Variants in NRG3 observed in about 807,000 individuals in gnomAD.
The protein encoded by NRG3 is neuregulin 3.
In NRG3, 31 loss-of-function variants were observed where a neutral mutation model predicts 66.9. The ratio of observed to expected loss-of-function variants is 0.46; its 90% CI spans 0.35 to 0.63. The LOEUF is 0.63. Ranked by LOEUF, NRG3 falls within the 20% of genes least tolerant of loss-of-function variation. The pLI is 0.00. For missense variants in NRG3, 910 were observed against 878.9 expected (o/e 1.04, Z -0.45); for synonymous variants, 393 against 359.4 (o/e 1.09, Z -1.06).
intron 2 of NRG3, among the ~76,000 whole-genome samples, chr10:82,372,710 C>T (rs1001683325): frequency 4.6e-5 from 7 of 152,282 alleles, no homozygotes; most frequent in Non-Finnish European, 8.8e-5. Context: ...TCTCCTGCCT[C>T]AGCCTCCCAC....
chr10:82,070,963 T>C (rs910837824), intron 1 of NRG3, among the ~76,000 whole-genome samples: 2 of 152,212 alleles, frequency 1.3e-5, no homozygotes, highest in African/African-American at 4.8e-5. Flanking sequence ...TACTTGGACA[T>C]GTATGCAGTT....
chr10:82,514,573 GT>G (rs1034595221), intron 2 of NRG3, among the ~76,000 whole-genome samples: 2 of 151,778 alleles, frequency 1.3e-5, no homozygotes, highest in East Asian at 1.9e-4. Context: ...TACTATGCTG[GT>G]TTTTTTTGTT....
chr10:82,968,114 T>G (rs1459814379), intron 6 of NRG3, among the ~76,000 whole-genome samples: 7 of 152,252 alleles, frequency 4.6e-5, no homozygotes, highest in Admixed American at 4.6e-4. Context: ...GTTCATTTAT[T>G]TTTCTTATTG....
At chr10:82,322,783 T>A (rs1055558356) in intron 1 of NRG3, among the ~76,000 whole-genome samples, 1 of 151,936 alleles carries the variant, frequency 6.6e-6, no homozygotes, top group African/African-American at 2.4e-5. Context: ...AGGAGAAGAG[T>A]AGTGTTGATT....
At chr10:82,053,230 T>C (rs2063683696) in intron 1 of NRG3, among the ~76,000 whole-genome samples, 1 of 152,144 alleles carries the variant, frequency 6.6e-6, no homozygotes, top group Admixed American at 6.6e-5. Flanking sequence ...AATAATCTGA[T>C]ATTTCAGTAG....
At chr10:82,735,277 A>G (rs769459995) in intron 2 of NRG3, among the ~76,000 whole-genome samples, 6 of 152,164 alleles carry the variant, frequency 3.9e-5, no homozygotes, top group Non-Finnish European at 7.3e-5. Flanking sequence ...TCTCCTGAGC[A>G]TGCTCCTTGT....
At chr10:81,924,381 A>C (rs1241028140) in intron 1 of NRG3, among the ~76,000 whole-genome samples, 1 of 152,250 alleles carries the variant, frequency 6.6e-6, no homozygotes, top group Non-Finnish European at 1.5e-5. Flanking sequence ...TTAGAAAGAC[A>C]GTTGTCTGAA....
intron 2 of NRG3, among the ~76,000 whole-genome samples, chr10:82,590,738 G>A (rs1194075247): frequency 6.6e-6 from 1 of 152,162 alleles, no homozygotes; most frequent in African/African-American, 2.4e-5. Context: ...TGACACTGTT[G>A]ATGCTCAACA....
At chr10:82,561,438 G>A (rs1170753509) in intron 2 of NRG3, among the ~76,000 whole-genome samples, 1 of 152,140 alleles carries the variant, frequency 6.6e-6, no homozygotes, top group Non-Finnish European at 1.5e-5. Flanking sequence ...GATCCCCTGA[G>A]CTCAAGAATT....
intron 1 of NRG3, among the ~76,000 whole-genome samples, chr10:82,252,083 A>G (rs1012107714): frequency 8.5e-5 from 13 of 152,188 alleles, no homozygotes; most frequent in African/African-American, 2.9e-4. Flanking sequence ...TGGGCTCCCA[A>G]CCAGCTCAGG....
At chr10:82,252,212 C>T (rs1015328750) in intron 1 of NRG3, among the ~76,000 whole-genome samples, 1 of 152,184 alleles carries the variant, frequency 6.6e-6, no homozygotes, top group Admixed American at 6.6e-5. Context: ...TGAATGAAGA[C>T]AAATGATTTC....
At chr10:82,048,444 C>G (rs1040111839) in intron 1 of NRG3, among the ~76,000 whole-genome samples, 1 of 152,064 alleles carries the variant, frequency 6.6e-6, no homozygotes, top group Admixed American at 6.6e-5. Context: ...GATTAAGAGA[C>G]TCACTCAAAA....
intron 4 of NRG3, among the ~76,000 whole-genome samples, chr10:82,911,602 T>C (rs1845327074): frequency 6.6e-6 from 1 of 151,744 alleles, no homozygotes; most frequent in African/African-American, 2.4e-5. Flanking sequence ...TTTCATTCTT[T>C]ATATAGTAAT....
intron 1 of NRG3, among the ~76,000 whole-genome samples, chr10:82,280,055 A>G (rs993428024): frequency 1.3e-5 from 2 of 152,194 alleles, no homozygotes; most frequent in African/African-American, 4.8e-5. Context: ...CAGGGGGATC[A>G]GTTCTGATTA....
intron 1 of NRG3, among the ~76,000 whole-genome samples, chr10:82,250,308 G>A (rs1383015060): frequency 6.6e-6 from 1 of 152,102 alleles, no homozygotes; most frequent in Non-Finnish European, 1.5e-5. Context: ...ATGTATTTAG[G>A]TATGAAGACA....
intron 1 of NRG3, among the ~76,000 whole-genome samples, chr10:82,047,841 A>T (rs2063382958): frequency 6.6e-6 from 1 of 152,162 alleles, no homozygotes; most frequent in African/African-American, 2.4e-5. Context: ...AGTGTGCTAT[A>T]TTCAGGAAAC....
intron 2 of NRG3, among the ~76,000 whole-genome samples, chr10:82,614,803 C>T (rs569776776): frequency 2.0e-5 from 3 of 152,044 alleles, no homozygotes; most frequent in African/African-American, 4.8e-5. Flanking sequence ...ATCCAAAACC[C>T]GTAGAAGGGT....
intron 2 of NRG3, among the ~76,000 whole-genome samples, chr10:82,413,291 A>G (rs778133813): frequency 2.6e-5 from 4 of 152,176 alleles, no homozygotes; most frequent in Non-Finnish European, 5.9e-5. Flanking sequence ...TGAAATCAAC[A>G]TTAATCTTGG....
intron 2 of NRG3, among the ~76,000 whole-genome samples, chr10:82,686,791 A>G (rs914713258): frequency 6.6e-6 from 1 of 152,222 alleles, no homozygotes; most frequent in Non-Finnish European, 1.5e-5. Context: ...TTCCTCAAAA[A>G]TTAGATGCCC....
Sources: allele counts gnomAD v4.1 joint callset (sites outside exome capture counted in the v4.1 genomes callset), GRCh38; gene constraint gnomAD v4.1.1; transcripts MANE v1.5; gene names NCBI Gene and HGNC (gene_info 2026-07-23, HGNC 2026-07-21).